CSMD2: variants seen among roughly 807,000 people sequenced by gnomAD.
CSMD2 encodes CUB and sushi domain-containing protein 2.
CSMD2 carries 130 observed loss-of-function variants against 398.5 expected under a neutral mutation model. That is an observed-to-expected ratio of 0.33 (90% CI 0.28 to 0.38). The LOEUF (loss-of-function observed/expected upper bound fraction) is 0.38. CSMD2 is among the 10% of genes least tolerant of loss of function. CSMD2 has a pLI of 1.00. For missense variants in CSMD2, 3,829 were observed against 4,764.9 expected (o/e 0.80, Z 5.78); for synonymous variants, 1,828 against 1,908.5 (o/e 0.96, Z 1.10).
intron 13 of CSMD2, among the ~76,000 whole-genome samples, chr1:33,758,007 C>T (rs899342233): frequency 2.0e-5 from 3 of 152,162 alleles, no homozygotes; most frequent in African/African-American, 4.8e-5. Context: ...CTGTTACATC[C>T]GTGCTTGGGA....
intron 57 of CSMD2, among the ~76,000 whole-genome samples, chr1:33,543,264 C>T (rs1434302448): frequency 6.6e-6 from 1 of 152,100 alleles, no homozygotes; most frequent in Non-Finnish European, 1.5e-5. Context: ...AAATAGGGTC[C>T]ACACATGACA....
At chr1:33,741,067 T>C (rs1647049460) in intron 14 of CSMD2, among the ~76,000 whole-genome samples, 1 of 152,166 alleles carries the variant, frequency 6.6e-6, no homozygotes, top group South Asian at 2.1e-4. Flanking sequence ...AGGAGGTGCT[T>C]AATGGATGGC....
chr1:34,149,604 A>G (rs1337746923), intron 1 of CSMD2, among the ~76,000 whole-genome samples: 1 of 152,236 alleles, frequency 6.6e-6, no homozygotes, highest in African/African-American at 2.4e-5. Flanking sequence ...CAGGAGCTCC[A>G]AGCTGTCAGG....
At position 33,637,347 on chromosome 1, in the gene CSMD2, G is replaced by T. The variant is rs964878226; in HGVS notation, c.4775-793C>A. On this transcript the variant is annotated intron_variant, in intron 29 of 70. Transcript: ENST00000373381. ...AAAACCACAGTATTTTTTTCATGTG[G>T]CTATTGACCCTTACATGTCTTCCCT... is the stretch of plus-strand genomic sequence containing the variant. 4.5e-4 allele frequency among the ~76,000 whole-genome samples: 68 copies of T among 152,126 alleles called. 1 individual carries two copies. The highest frequency in any genetic ancestry group is 4.4e-5 in the Non-Finnish European group (3 of 68,008).
intron 1 of CSMD2, among the ~76,000 whole-genome samples, chr1:34,148,383 G>A (rs1639977982): frequency 6.6e-6 from 1 of 152,146 alleles, no homozygotes; most frequent in Non-Finnish European, 1.5e-5. Flanking sequence ...TGAAAAATCT[G>A]CCGTAATTTG....
chr1:33,692,892 C>A, intron 25 of CSMD2, 38 bp downstream of exon 25: 1 of 1,603,602 alleles, frequency 6.2e-7, no homozygotes, highest in South Asian at 1.1e-5. Context: ...CTCCCCTGAA[C>A]AACTGGCGAT....
intron 5 of CSMD2, chr1:33,862,049 G>A (rs771211802): frequency 1.3e-5 from 2 of 152,290 alleles, no homozygotes; most frequent in Non-Finnish European, 2.9e-5. Flanking sequence ...AGGTTGAAGA[G>A]AGGTTGGAGA....
chr1:33,676,413 G>A (rs1412294915), intron 25 of CSMD2, among the ~76,000 whole-genome samples: 1 of 152,172 alleles, frequency 6.6e-6, no homozygotes, highest in African/African-American at 2.4e-5. Context: ...GGATGTGAAG[G>A]ACCTCTTCAA....
chr1:33,890,829 A>T (rs918984234), intron 5 of CSMD2, among the ~76,000 whole-genome samples: 2 of 152,132 alleles, frequency 1.3e-5, no homozygotes, highest in East Asian at 3.8e-4. Flanking sequence ...GTACTGGGAA[A>T]ACTGGCTAGC....
At chr1:33,891,793 G>A (rs1033401339) in intron 5 of CSMD2, among the ~76,000 whole-genome samples, 25 of 149,678 alleles carry the variant, frequency 1.7e-4, no homozygotes, top group Non-Finnish European at 2.5e-4. Flanking sequence ...GTAAACTATC[G>A]CAAGGACAAA....
At chr1:33,682,496 T>A (rs1644940336) in intron 25 of CSMD2, among the ~76,000 whole-genome samples, 2 of 152,316 alleles carry the variant, frequency 1.3e-5, no homozygotes, top group South Asian at 4.1e-4. Context: ...ATATGTTACC[T>A]TTGTAAGTGA....
chr1:33,573,130 A>G (rs1364357146), intron 49 of CSMD2, among the ~76,000 whole-genome samples: 1 of 152,220 alleles, frequency 6.6e-6, no homozygotes, highest in Non-Finnish European at 1.5e-5. Context: ...TCTAGGATTT[A>G]TGGTCTCTTG....
At chr1:34,129,757 C>T (rs1424062367) in intron 1 of CSMD2, among the ~76,000 whole-genome samples, 2 of 152,234 alleles carry the variant, frequency 1.3e-5, no homozygotes, top group Non-Finnish European at 2.9e-5. Flanking sequence ...GGGCCTCCGC[C>T]GCTCTGACTG....
intron 6 of CSMD2, chr1:33,839,712 C>T (rs989000940): frequency 6.6e-6 from 1 of 152,182 alleles, no homozygotes; most frequent in Non-Finnish European, 1.5e-5. Context: ...GTCAGATACA[C>T]TGAATGTTAC....
intron 13 of CSMD2, among the ~76,000 whole-genome samples, chr1:33,745,528 A>G (rs1337234557): frequency 1.3e-5 from 2 of 152,190 alleles, no homozygotes; most frequent in African/African-American, 2.4e-5. Flanking sequence ...TGTTTGCCAA[A>G]GGGGGGAAAA....
At chr1:33,649,289 G>A (rs1420573320) in intron 28 of CSMD2, among the ~76,000 whole-genome samples, 3 of 152,172 alleles carry the variant, frequency 2.0e-5, no homozygotes, top group Non-Finnish European at 4.4e-5. Context: ...ATTGTCCACA[G>A]GCTCTCAGAA....
In CSMD2 at chr1:33,624,597, G is replaced by A; in HGVS notation, c.5547C>T (p.Ser1849=). The part of the protein sequence containing the change: ...NLTERRGTIL[S]PGFPEPYLNS... ...TGAGGTACGGCTCTGGGAAGCCAGG[G>A]GACAGGATGGTGCCCCTGCGCTCTG... is the stretch of plus-strand genomic sequence containing the variant. Residue 1849 remains serine, a synonymous_variant, in exon 35 of 71, where the codon TCC becomes TCT. Coordinates refer to ENST00000373381, the MANE Select transcript of CSMD2 (RefSeq NM_001281956.2). The surrounding 1 kb of genome is among the most constrained non-coding windows in gnomAD (Gnocchi z 4.7). The A allele has an allele frequency of 6.2e-7, 1 of 1,614,002 alleles. No homozygotes were observed. The highest frequency in any genetic ancestry group is 8.5e-7 in the Non-Finnish European group (1 of 1,179,930).
intron 10 of CSMD2, among the ~76,000 whole-genome samples, chr1:33,806,717 G>A (rs758280574): frequency 2.6e-5 from 4 of 152,120 alleles, no homozygotes; most frequent in Non-Finnish European, 2.9e-5. Flanking sequence ...GACTAAGAAC[G>A]TTTGAAAAAG....
intron 27 of CSMD2, 34 bp downstream of exon 27, chr1:33,657,912 C>T (rs1482774038): frequency 1.3e-6 from 2 of 1,584,400 alleles, no homozygotes; most frequent in Admixed American, 1.7e-5. Flanking sequence ...CTGTGAGCCC[C>T]AAGAGCAGAG....
Sources: allele counts gnomAD v4.1 joint callset (sites outside exome capture counted in the v4.1 genomes callset), GRCh38; gene constraint gnomAD v4.1.1; non-coding constraint Gnocchi (gnomAD v3.1); transcripts MANE v1.5; gene names NCBI Gene and HGNC (gene_info 2026-07-23, HGNC 2026-07-21).